Variants in GRID1 observed in about 807,000 individuals in gnomAD.
GRID1 encodes glutamate receptor ionotropic, delta-1.
A neutral mutation model predicts 98.0 loss-of-function variants in GRID1; 28 were observed. The ratio of observed to expected loss-of-function variants is 0.29; its 90% confidence interval spans 0.21 to 0.39. GRID1 has a LOEUF of 0.39. Among genes scored for constraint, GRID1 ranks in the 10% least tolerant of loss-of-function variants. GRID1 has a pLI of 1.00. For missense variants in GRID1, 1,111 were observed against 1,340.5 expected (o/e 0.83, Z 2.67); for synonymous variants, 553 against 538.5 (o/e 1.03, Z -0.37).
At chr10:85,687,405 T>TGTTA (rs1234138235) in intron 12 of GRID1, among the ~76,000 whole-genome samples, 1 of 152,190 alleles carries the variant, frequency 6.6e-6, no homozygotes, top group African/African-American at 2.4e-5. Flanking sequence ...GAGGGAAACA[T>TGTTA]GTTAGTAATT....
chr10:86,047,846 T>A (rs916398547), intron 4 of GRID1, among the ~76,000 whole-genome samples: 3 of 152,204 alleles, frequency 2.0e-5, no homozygotes, highest in African/African-American at 4.8e-5. Flanking sequence ...GCTGTAATAT[T>A]GAGCTTCTGT....
intron 2 of GRID1, among the ~76,000 whole-genome samples, chr10:86,307,283 T>C (rs1283931513): frequency 1.3e-5 from 2 of 152,184 alleles, no homozygotes; most frequent in Non-Finnish European, 1.5e-5. Context: ...AGCCAAGGTA[T>C]GCAAACAGCC....
chr10:86,350,347 ACATGG>A (rs1420783404), intron 2 of GRID1, among the ~76,000 whole-genome samples: 8 of 152,228 alleles, frequency 5.3e-5, no homozygotes, highest in African/African-American at 9.6e-5. Flanking sequence ...TCTGGCTGCT[ACATGG>A]ACAATGGCCT....
intron 8 of GRID1, among the ~76,000 whole-genome samples, chr10:85,772,271 C>A (rs1231714819): frequency 6.6e-6 from 1 of 152,006 alleles, no homozygotes; most frequent in Non-Finnish European, 1.5e-5. Context: ...TCTTTGAAAC[C>A]AACAAGAACA....
At chr10:85,985,146 C>T (rs951530855) in intron 4 of GRID1, among the ~76,000 whole-genome samples, 8 of 152,150 alleles carry the variant, frequency 5.3e-5, no homozygotes, top group African/African-American at 1.9e-4. Flanking sequence ...AACAAAATTG[C>T]ACCCAAATTA....
intron 8 of GRID1, among the ~76,000 whole-genome samples, chr10:85,821,404 C>T (rs1167119673): frequency 1.3e-5 from 2 of 149,392 alleles, no homozygotes; most frequent in East Asian, 2.0e-4. Flanking sequence ...GTAATCCCAG[C>T]TACTCAGGAG....
chr10:85,865,936 T>TATATATATATATATAC (rs1564613272), intron 6 of GRID1, among the ~76,000 whole-genome samples: 21 of 112,672 alleles, frequency 1.9e-4, no homozygotes, highest in African/African-American at 7.2e-4. Flanking sequence ...TATATATATA[T>TATATATATATATATAC]ATATATACAC....
chr10:85,856,786 C>A (rs1195674584), intron 6 of GRID1, among the ~76,000 whole-genome samples: 1 of 152,102 alleles, frequency 6.6e-6, no homozygotes, highest in South Asian at 2.1e-4. Flanking sequence ...AGGCAATATA[C>A]TGGATTTGCT....
At chr10:86,128,456 G>T (rs1347159526) in intron 4 of GRID1, among the ~76,000 whole-genome samples, 1 of 152,110 alleles carries the variant, frequency 6.6e-6, no homozygotes, top group Non-Finnish European at 1.5e-5. Context: ...CAGGCTCCAT[G>T]ACTCGAACTG....
At chr10:85,845,035 A>G (rs1842993664) in intron 8 of GRID1, among the ~76,000 whole-genome samples, 1 of 151,978 alleles carries the variant, frequency 6.6e-6, no homozygotes, top group Non-Finnish European at 1.5e-5. Context: ...CAAGAACAAA[A>G]TAAAGATGTC....
chr10:85,611,519 G>A (rs1842732681), intron 15 of GRID1, among the ~76,000 whole-genome samples: 1 of 152,192 alleles, frequency 6.6e-6, no homozygotes, highest in Non-Finnish European at 1.5e-5. Flanking sequence ...CCTTTGCACA[G>A]AGGAAACCAG....
intron 8 of GRID1, among the ~76,000 whole-genome samples, chr10:85,823,433 A>C (rs1842791311): frequency 6.6e-6 from 1 of 151,994 alleles, no homozygotes. Context: ...ATATATAAAC[A>C]AAAATAAACA....
At chr10:85,868,241 G>A (rs1302469785) in intron 6 of GRID1, among the ~76,000 whole-genome samples, 2 of 152,216 alleles carry the variant, frequency 1.3e-5, no homozygotes, top group Non-Finnish European at 2.9e-5. Context: ...CTAAGCATCA[G>A]TGAAAGTTTT....
chr10:86,028,707 C>T (rs1843147889), intron 4 of GRID1, among the ~76,000 whole-genome samples: 1 of 152,070 alleles, frequency 6.6e-6, no homozygotes, highest in Admixed American at 6.5e-5. Context: ...GAGTATCCAC[C>T]CTTCTCTCTG....
intron 4 of GRID1, among the ~76,000 whole-genome samples, chr10:85,988,813 G>T (rs1384672122): frequency 6.6e-6 from 1 of 152,280 alleles, no homozygotes; most frequent in Non-Finnish European, 1.5e-5. Context: ...ATATCCCCAG[G>T]ATTTCTTTTA....
chr10:85,839,062 T>C (rs1387782231), intron 8 of GRID1, among the ~76,000 whole-genome samples: 1 of 152,164 alleles, frequency 6.6e-6, no homozygotes, highest in Admixed American at 6.5e-5. Context: ...CATTGCATAA[T>C]GGTAAAGTGT....
At position 85,939,273 on chromosome 10, in the gene GRID1, C is replaced by T. The variant is rs111303463; in HGVS notation, c.727-23034G>A. Among the ~76,000 whole-genome samples, 666 of 152,310 alleles carry T rather than the reference C, an allele frequency of 4.4e-3. 6 individuals are homozygous for T. The highest frequency in any genetic ancestry group is 0.015 in the African/African-American group (621 of 41,562). ...GGGCCCCATGATCCAACAGAGATTG[C>T]TTTCTTATTAGCTTATAGACAGGAT... On this transcript the variant is annotated intron_variant, in intron 4 of 15. Transcript: ENST00000327946.
At chr10:85,792,844 G>C (rs1346002000) in intron 8 of GRID1, among the ~76,000 whole-genome samples, 5 of 152,158 alleles carry the variant, frequency 3.3e-5, no homozygotes, top group African/African-American at 1.2e-4. Context: ...TACTTACAGG[G>C]CTCTGAGAAG....
chr10:85,981,779 A>G (rs1051622175), intron 4 of GRID1, among the ~76,000 whole-genome samples: 2 of 152,220 alleles, frequency 1.3e-5, no homozygotes, highest in African/African-American at 4.8e-5. Flanking sequence ...ATAGAGCTGC[A>G]GCAAAACACA....
Sources: gnomAD v4.1 joint callset for allele counts (sites outside exome capture counted in the v4.1 genomes callset) on GRCh38, gnomAD v4.1.1 for gene constraint, MANE v1.5 for transcripts, NCBI Gene and HGNC (gene_info 2026-07-23, HGNC 2026-07-21) for gene names.